CREB5: variants seen among roughly 807,000 people sequenced by gnomAD.
CREB5 encodes the protein cyclic AMP-responsive element-binding protein 5.
In CREB5, 19 loss-of-function variants were observed where a neutral mutation model predicts 57.1. That is an observed-to-expected ratio of 0.33 (90% confidence interval 0.23 to 0.49). The LOEUF (loss-of-function observed/expected upper bound fraction) is 0.49. Ranked by LOEUF, CREB5 falls within the 20% of genes least tolerant of loss-of-function variation. The probability of loss-of-function intolerance (pLI) is 0.99; values close to 1 mark genes in which losing one functional copy is unlikely to be tolerated. For missense variants in CREB5, 579 were observed against 671.6 expected (o/e 0.86, Z 1.52); for synonymous variants, 238 against 238.3 (o/e 1.00, Z 0.01).
chr7:28,538,829 C>T (rs1794088074), intron 4 of CREB5, among the ~76,000 whole-genome samples: 3 of 152,184 alleles, frequency 2.0e-5, no homozygotes, highest in Admixed American at 1.3e-4. Flanking sequence ...TCTGTTTTCA[C>T]TGTGATTTCA....
At chr7:28,804,735 G>A (rs1175239597) in intron 8 of CREB5, among the ~76,000 whole-genome samples, 3 of 152,074 alleles carry the variant, frequency 2.0e-5, no homozygotes, top group African/African-American at 7.2e-5. Context: ...AAAATATCAG[G>A]TCTAGTCTCT....
intron 3 of CREB5, among the ~76,000 whole-genome samples, chr7:28,502,404 G>A (rs1295424808): frequency 6.6e-6 from 1 of 152,022 alleles, no homozygotes; most frequent in Non-Finnish European, 1.5e-5. Flanking sequence ...AATATGAAAA[G>A]TACCTAAGAA....
chr7:28,443,717 A>G (rs985600574), intron 1 of CREB5, among the ~76,000 whole-genome samples: 2 of 151,980 alleles, frequency 1.3e-5, no homozygotes, highest in Non-Finnish European at 2.9e-5. Context: ...TACCCACTTA[A>G]CCCCTCTCCT....
At chr7:28,536,560 G>A (rs1057460186) in intron 4 of CREB5, among the ~76,000 whole-genome samples, 1 of 152,222 alleles carries the variant, frequency 6.6e-6, no homozygotes, top group African/African-American at 2.4e-5. Context: ...GGCCTGGCCA[G>A]CCTGGGGCTT....
intron 7 of CREB5, among the ~76,000 whole-genome samples, chr7:28,753,004 G>A (rs958671495): frequency 1.3e-5 from 2 of 151,730 alleles, no homozygotes; most frequent in African/African-American, 4.8e-5. Context: ...AAAGTAGATG[G>A]GCTAAGAGGA....
intron 1 of CREB5, among the ~76,000 whole-genome samples, chr7:28,480,216 G>A (rs764952732): frequency 6.6e-6 from 1 of 152,144 alleles, no homozygotes; most frequent in Admixed American, 6.6e-5. Context: ...ATTTGGGAAC[G>A]TGTTCCAATT....
At chr7:28,334,332 T>C (rs1027101470) in intron 1 of CREB5, among the ~76,000 whole-genome samples, 5 of 152,024 alleles carry the variant, frequency 3.3e-5, no homozygotes, top group Non-Finnish European at 4.4e-5. Flanking sequence ...ATTTTTTGTA[T>C]ATTTAGTAGA....
intron 5 of CREB5, among the ~76,000 whole-genome samples, chr7:28,654,354 A>T (rs1305017055): frequency 6.6e-6 from 1 of 152,170 alleles, no homozygotes; most frequent in African/African-American, 2.4e-5. Context: ...TGGCAAAGTG[A>T]TTTGATTCCT....
intron 1 of CREB5, among the ~76,000 whole-genome samples, chr7:28,350,430 G>T (rs527750300): frequency 6.6e-6 from 1 of 151,932 alleles, no homozygotes; most frequent in Non-Finnish European, 1.5e-5. Flanking sequence ...CATGTGATGT[G>T]GGTGGAATTT....
At chr7:28,704,703 C>T (rs957383646) in intron 5 of CREB5, among the ~76,000 whole-genome samples, 5 of 152,100 alleles carry the variant, frequency 3.3e-5, no homozygotes, top group African/African-American at 7.2e-5. Context: ...GAGATCCTCC[C>T]GCCTCAGCCT....
intron 7 of CREB5, among the ~76,000 whole-genome samples, chr7:28,784,476 A>T (rs1807190853): frequency 6.6e-6 from 1 of 150,680 alleles, no homozygotes. Context: ...CCTCCTGCTC[A>T]TTTTGCTTAG....
intron 1 of CREB5, among the ~76,000 whole-genome samples, chr7:28,393,168 C>T (rs138819293): frequency 6.6e-6 from 1 of 152,188 alleles, no homozygotes; most frequent in Non-Finnish European, 1.5e-5. Flanking sequence ...CTCAGGTGAT[C>T]CACCCACCTT....
intron 5 of CREB5, among the ~76,000 whole-genome samples, chr7:28,640,538 T>A (rs1798612341): frequency 6.6e-6 from 1 of 152,176 alleles, no homozygotes; most frequent in Non-Finnish European, 1.5e-5. Flanking sequence ...CAAAATTAGA[T>A]TAAGAAAAAT....
chr7:28,489,446 C>T (rs1309052264), intron 2 of CREB5, among the ~76,000 whole-genome samples: 1 of 151,930 alleles, frequency 6.6e-6, no homozygotes, highest in Admixed American at 6.6e-5. Flanking sequence ...ACTAGAGGTG[C>T]CCGCCACCAC....
At chr7:28,436,904 T>G (rs1418490221) in intron 1 of CREB5, among the ~76,000 whole-genome samples, 1 of 152,130 alleles carries the variant, frequency 6.6e-6, no homozygotes, top group Admixed American at 6.5e-5. Flanking sequence ...CAGATGGAAT[T>G]GTGTACTATG....
chr7:28,437,669 A>C (rs534034553), intron 1 of CREB5, among the ~76,000 whole-genome samples: 2 of 152,172 alleles, frequency 1.3e-5, no homozygotes, highest in Non-Finnish European at 2.9e-5. Context: ...ACTATAATCT[A>C]AATAAATGGA....
chr7:28,658,416 T>G (rs1387397408), intron 5 of CREB5, among the ~76,000 whole-genome samples: 1 of 152,200 alleles, frequency 6.6e-6, no homozygotes, highest in Non-Finnish European at 1.5e-5. Context: ...TGTTGTTAGA[T>G]CGACTCTTAT....
intron 4 of CREB5, among the ~76,000 whole-genome samples, chr7:28,517,426 C>G (rs1032569420): frequency 6.6e-6 from 1 of 152,202 alleles, no homozygotes; most frequent in Non-Finnish European, 1.5e-5. Flanking sequence ...GCATTTCCAG[C>G]ACGTTGGCTG....
intron 4 of CREB5, among the ~76,000 whole-genome samples, chr7:28,529,572 C>T (rs1793630843): frequency 6.6e-6 from 1 of 152,194 alleles, no homozygotes; most frequent in Non-Finnish European, 1.5e-5. Flanking sequence ...TAATCAACCC[C>T]TTCATTCCCT....
Sources: gnomAD v4.1 joint callset for allele counts (sites outside exome capture counted in the v4.1 genomes callset) on GRCh38, gnomAD v4.1.1 for gene constraint, MANE v1.5 for transcripts, NCBI Gene and HGNC (gene_info 2026-07-23, HGNC 2026-07-21) for gene names.